Variants in PSG9 observed in about 807,000 individuals in gnomAD.
PSG9 encodes pregnancy-specific beta-1-glycoprotein 9.
Under a neutral mutation model 41.9 loss-of-function variants are expected in PSG9, and 49 were observed. The ratio of observed to expected loss-of-function variants is 1.17; its 90% CI spans 0.93 to 1.48. The LOEUF is 1.48. Among genes scored for constraint, PSG9 ranks in the 40% most tolerant of loss-of-function variants. The probability of loss-of-function intolerance (pLI) is 0.00; values close to 1 mark genes in which losing one functional copy is unlikely to be tolerated. For synonymous variants in PSG9, 263 were observed against 196.8 expected (o/e 1.34, Z -2.82); for missense variants, 641 against 520.3 (o/e 1.23, Z -2.26).
intron 5 of PSG9, chr19:43,257,478 TC>T (rs1334284736): frequency 1.0e-6 from 1 of 976,920 alleles, no homozygotes. Context: ...CCGTGCTGTG[TC>T]CCACGTGCTG....
chr19:43,266,183 T>A (rs562344108), intron 2 of PSG9, among the ~76,000 whole-genome samples: 1 of 151,796 alleles, frequency 6.6e-6, no homozygotes, highest in South Asian at 2.1e-4. Flanking sequence ...TGCCCCCAGT[T>A]CCACAGTCCA....
At chr19:43,258,104 A>G (rs1344598542) in intron 5 of PSG9, 98 bp downstream of exon 5, 4 of 1,590,182 alleles carry the variant, frequency 2.5e-6, no homozygotes, top group Non-Finnish European at 3.4e-6. Context: ...TGCCCATGGG[A>G]CACAGGCTGG....
intron 2 of PSG9, among the ~76,000 whole-genome samples, chr19:43,263,682 G>C (rs1184348550): frequency 6.6e-6 from 1 of 151,984 alleles, no homozygotes; most frequent in Non-Finnish European, 1.5e-5. Flanking sequence ...TCAATTGCTG[G>C]TAGTAGTATT....
At position 43,269,431 on chromosome 19, in the gene PSG9, T is replaced by TG. The variant is rs1277588579; in HGVS notation, c.-1dup. The TG allele has an allele frequency of 6.2e-7, 1 of 1,613,422 alleles. No homozygotes were observed. The highest frequency in any genetic ancestry group is 1.3e-5 in the African/African-American group (1 of 74,884). On this transcript the variant is annotated 5_prime_UTR_variant, in exon 1 of 6. Coordinates refer to ENST00000270077, the MANE Select transcript of PSG9 (RefSeq NM_002784.5). Reference sequence around the variant, plus strand: ...CAGGAAGGGGCTGGGAGGGGCCCCATGGTCTCTGCTGCCTGTGTGTTCTCC... The same window carrying TG: ...CAGGAAGGGGCTGGGAGGGGCCCCATGGGTCTCTGCTGCCTGTGTGTTCTCC...
chr19:43,262,635 G>A (rs1968780165), intron 2 of PSG9, among the ~76,000 whole-genome samples: 2 of 152,166 alleles, frequency 1.3e-5, no homozygotes, highest in South Asian at 2.1e-4. Flanking sequence ...CCTGGTCTGG[G>A]ACTGGGTACT....
Position 43,255,251 on chromosome 19 carries a change from C to T in PSG9, c.1244-1605G>A, listed in dbSNP as rs142223411. 3.7e-3 allele frequency among the ~76,000 whole-genome samples: 537 copies of T among 146,334 alleles called. 75 individuals carry two copies. Among genetic ancestry groups the T allele is most frequent in the African/African-American group, 0.013 (515 of 38,516 alleles). On this transcript the variant is annotated intron_variant, in intron 5 of 5. Coordinates refer to ENST00000270077, the MANE Select transcript of PSG9 (RefSeq NM_002784.5). ...AAATGGACCAACTCCTAGAACCACA[C>T]AAAAATATGAGTATAACTATAATCA...
At chr19:43,268,236 C>T in intron 1 of PSG9, 87 bp from the exon 2 acceptor site, 1 of 1,459,684 alleles carries the variant, frequency 6.9e-7, no homozygotes, top group Non-Finnish European at 9.2e-7. Flanking sequence ...AAGGTCTCTT[C>T]CATCCTCAGC....
intron 1 of PSG9, among the ~76,000 whole-genome samples, chr19:43,268,985 T>A (rs1354071037): frequency 6.6e-6 from 1 of 152,080 alleles, no homozygotes; most frequent in Non-Finnish European, 1.5e-5. Flanking sequence ...CTATCCAGGC[T>A]GCAACAGAGC....
Position 43,268,071 on chromosome 19 carries a change from C to T in PSG9, c.143G>A (p.Gly48Glu). ...IEAQPPKVSE[G>E]KDVLLLVHNL... is the part of the protein sequence containing the mutation. The stretch of plus-strand genomic sequence containing the variant: ...GTGGACAAGTAGAAGAACATCCTTC[C>T]CCTCAGAAACTTTGGGTGGCTGGGC... Residue 48 changes from glycine (G) to glutamate (E), a missense_variant, in exon 2 of 6, where the codon GGG becomes GAG. Transcript: ENST00000270077. The T allele has an allele frequency of 2.2e-5, 36 of 1,613,734 alleles. No homozygotes were observed. The highest frequency in any genetic ancestry group is 2.9e-5 in the Non-Finnish European group (34 of 1,179,834).
chr19:43,268,159 G>A lies in PSG9; in HGVS notation c.65-10C>T, dbSNP rs761039879. 32 of 1,588,810 alleles carry A rather than the reference G, an allele frequency of 2.0e-5. No homozygotes were observed. In the South Asian group the frequency reaches 2.8e-4, roughly 14 times the overall value. ...AAGTTTAAAAGTGATGCTAGGAGGG[G>A]GAGACAGCATCAGTTAATATTGAGA... On this transcript the variant is annotated splice_polypyrimidine_tract_variant and intron_variant, in intron 1 of 5. Coordinates refer to ENST00000270077, the MANE Select transcript of PSG9 (RefSeq NM_002784.5).
At chr19:43,263,026 T>A (rs756707382) in intron 2 of PSG9, among the ~76,000 whole-genome samples, 5 of 152,156 alleles carry the variant, frequency 3.3e-5, no homozygotes, top group Non-Finnish European at 5.9e-5. Flanking sequence ...AAGGACCATA[T>A]GCGTTTGGTG....
At chr19:43,264,696 C>T (rs768503420) in intron 2 of PSG9, among the ~76,000 whole-genome samples, 5 of 152,212 alleles carry the variant, frequency 3.3e-5, no homozygotes, top group African/African-American at 1.2e-4. Flanking sequence ...TGACCTTGTG[C>T]CCGCCTCGGC....
At chr19:43,268,307 TTGTGTA>T (rs1180656403) in intron 1 of PSG9, among the ~76,000 whole-genome samples, 158 bp from the exon 2 acceptor site, 2 of 151,984 alleles carry the variant, frequency 1.3e-5, no homozygotes, top group African/African-American at 2.4e-5. Flanking sequence ...GCATGTGTGT[TTGTGTA>T]TGTGTATGTG....
At chr19:43,261,805 G>C in intron 3 of PSG9, 55 bp downstream of exon 3, 1 of 1,614,002 alleles carries the variant, frequency 6.2e-7, no homozygotes, top group Non-Finnish European at 8.5e-7. Context: ...CCTGGCCTCT[G>C]GCCATGTGTA....
Position 43,258,072 on chromosome 19 carries a change from A to G in PSG9, c.1243+130T>C, listed in dbSNP as rs752739102. Reference sequence around the variant, plus strand: ...TAGAGACAAATTGGGAGGGTTCAGGAGGAGAATTTGGGATTTGCTTGTGCC... The same window carrying G: ...TAGAGACAAATTGGGAGGGTTCAGGGGGAGAATTTGGGATTTGCTTGTGCC... On this transcript the variant is annotated intron_variant, in intron 5 of 5. Coordinates refer to ENST00000270077, the MANE Select transcript of PSG9 (RefSeq NM_002784.5). The G allele has an allele frequency of 1.4e-5, 23 of 1,588,096 alleles. 1 individual carries two copies. Among genetic ancestry groups the G allele is most frequent in the Non-Finnish European group, 1.9e-5 (22 of 1,173,418 alleles).
rs148106200 is a variant in PSG9 at position 43,267,897 on chromosome 19, G to T, written c.317C>A (p.Ser106Tyr). 2 of 1,613,786 alleles carry T rather than the reference G, an allele frequency of 1.2e-6. No homozygotes were observed. Among genetic ancestry groups the T allele is most frequent in the African/African-American group, 2.7e-5 (2 of 75,004 alleles). ...SGRETVYSNA[S>Y]LLIQNVTRKD... ...CCGGGTGACATTCTGGATCAGCAGG[G>T]ATGCGTTGGAATATACTGTTTCTCT... is the stretch of plus-strand genomic sequence containing the variant. Residue 106 changes from serine (S) to tyrosine (Y), a missense_variant, in exon 2 of 6, where the codon TCC becomes TAC. Coordinates refer to ENST00000270077, the MANE Select transcript of PSG9 (RefSeq NM_002784.5).
At chr19:43,263,664 A>C (rs1599834477) in intron 2 of PSG9, among the ~76,000 whole-genome samples, 1 of 152,096 alleles carries the variant, frequency 6.6e-6, no homozygotes, top group African/African-American at 2.4e-5. Flanking sequence ...TGGTCCAAAC[A>C]TCTAAGATCA....
In PSG9 at chr19:43,267,018, C is replaced by T. The variant is rs1275057247; in HGVS notation, c.430+766G>A. Among the ~76,000 whole-genome samples the T allele has an allele frequency of 5.3e-5, 8 of 152,176 alleles. No individual in the cohort carries two copies. In the South Asian group the frequency reaches 6.2e-4, roughly 12 times the overall value. ...ACAAGCAGCATTTATTATTAATTTG[C>T]TTCCATGAGAAAGCACCTTATGTCA... On this transcript the variant is annotated intron_variant, in intron 2 of 5. Transcript: ENST00000270077.
At chr19:43,265,297 T>C (rs1057037511) in intron 2 of PSG9, among the ~76,000 whole-genome samples, 1 of 152,168 alleles carries the variant, frequency 6.6e-6, no homozygotes, top group African/African-American at 2.4e-5. Flanking sequence ...ACTGCTCCGA[T>C]GTCATTTGGC....
Sources: gnomAD v4.1 joint callset for allele counts (sites outside exome capture counted in the v4.1 genomes callset) on GRCh38, gnomAD v4.1.1 for gene constraint, MANE v1.5 for transcripts, NCBI Gene and HGNC (gene_info 2026-07-23, HGNC 2026-07-21) for gene names.